CHN2: variants seen among roughly 807,000 people sequenced by gnomAD.
The protein encoded by CHN2 is chimerin 2, also known as beta-chimaerin.
Under a neutral mutation model 56.3 loss-of-function variants are expected in CHN2, and 35 were observed. The observed-to-expected ratio is 0.62, with a 90% CI of 0.47 to 0.82. CHN2 has a LOEUF of 0.82. Ranked by LOEUF, CHN2 falls within the 40% of genes least tolerant of loss-of-function variation. CHN2 has a pLI of 0.00. For missense variants in CHN2, 491 were observed against 580.5 expected (o/e 0.85, Z 1.58); for synonymous variants, 210 against 212.8 (o/e 0.99, Z 0.12).
rs55722880 is a variant in CHN2 at position 29,273,343 on chromosome 7, GTATATATATATA to G, written c.49+78388_49+78399del. On this transcript the variant is annotated intron_variant, in intron 1 of 12. Coordinates refer to ENST00000222792, the MANE Select transcript of CHN2 (RefSeq NM_004067.4). ...CCATCATGCATATATATATATATGTGTATATATATATATATATATATATATATATATATATAT... is the reference window on the plus strand; with the variant it reads ...CCATCATGCATATATATATATATGTGTATATATATATATATATATATATAT... Among the ~76,000 whole-genome samples, 580 of 58,192 alleles carry G rather than the reference GTATATATATATA, an allele frequency of 1.0e-2. 17 individuals carry two copies. The highest frequency in any genetic ancestry group is 0.014 in the Admixed American group (72 of 5,104). 38.2% of individuals were successfully genotyped at this position (58,192 alleles called of 152,430 possible).
chr7:29,301,457 C>G (rs942134207), intron 1 of CHN2, among the ~76,000 whole-genome samples: 4 of 151,936 alleles, frequency 2.6e-5, no homozygotes, highest in African/African-American at 4.8e-5. Flanking sequence ...AAGAGGATCC[C>G]AGATGCTCCT....
intron 1 of CHN2, among the ~76,000 whole-genome samples, chr7:29,308,058 C>G (rs1430082308): frequency 6.6e-6 from 1 of 152,164 alleles, no homozygotes; most frequent in Admixed American, 6.5e-5. Flanking sequence ...TACTGGGTAT[C>G]TCGGCATACA....
chr7:29,370,407 A>C (rs1234547651), intron 3 of CHN2, among the ~76,000 whole-genome samples: 1 of 152,188 alleles, frequency 6.6e-6, no homozygotes, highest in Non-Finnish European at 1.5e-5. Flanking sequence ...ATTTACATAA[A>C]GCAGTAAAGG....
intron 3 of CHN2, 69 bp downstream of exon 3, chr7:29,368,056 G>C: frequency 7.5e-7 from 1 of 1,333,614 alleles, no homozygotes; most frequent in Non-Finnish European, 1.0e-6. Context: ...GTAGAGAGTG[G>C]AGGGATTTCA....
intron 3 of CHN2, among the ~76,000 whole-genome samples, chr7:29,392,706 A>C (rs1189358206): frequency 6.6e-6 from 1 of 152,188 alleles, no homozygotes; most frequent in Admixed American, 6.5e-5. Flanking sequence ...TAGGCCAGGA[A>C]ACTGCCCCAT....
At chr7:29,369,670 A>G (rs927142230) in intron 3 of CHN2, among the ~76,000 whole-genome samples, 15 of 152,210 alleles carry the variant, frequency 9.9e-5, no homozygotes, top group African/African-American at 3.6e-4. Context: ...CCCTTAAGGC[A>G]GGTGGAGTGT....
chr7:29,309,172 CT>C (rs144525276), intron 1 of CHN2, among the ~76,000 whole-genome samples: 3 of 151,380 alleles, frequency 2.0e-5, no homozygotes, highest in Non-Finnish European at 4.4e-5. Flanking sequence ...CAGCCAAAAG[CT>C]TTTTTTTTGT....
At chr7:29,163,506 A>C (rs115141944) in intron 2 of CHN2, among the ~76,000 whole-genome samples, 1,731 of 152,304 alleles carry the variant, frequency 0.011, 40 homozygotes, top group African/African-American at 0.04. Context: ...GTTAATGGGC[A>C]TATGCATATG....
At chr7:29,211,133 C>T (rs1035623235) in intron 1 of CHN2, among the ~76,000 whole-genome samples, 11 of 151,742 alleles carry the variant, frequency 7.2e-5, no homozygotes, top group South Asian at 2.1e-4. Flanking sequence ...TGCAGTGGCG[C>T]GATCTCGGCT....
In CHN2 at chr7:29,297,815, A is replaced by G. The variant is rs543697308; in HGVS notation, c.50-56810A>G. The stretch of plus-strand genomic sequence containing the variant: ...GAATGACCCATTAAACAGAGACACG[A>G]TTACCTATCTGTGAAAAGAGGACAG... On this transcript the variant is annotated intron_variant, in intron 1 of 12. Transcript: ENST00000222792. Among the ~76,000 whole-genome samples, 1,243 of 152,268 alleles carry G rather than the reference A, an allele frequency of 8.2e-3. 13 individuals carry two copies. The highest frequency in any genetic ancestry group is 0.013 in the Non-Finnish European group (891 of 68,008).
intron 6 of CHN2, among the ~76,000 whole-genome samples, chr7:29,404,622 G>A (rs1802482821): frequency 6.6e-6 from 1 of 152,160 alleles, no homozygotes; most frequent in African/African-American, 2.4e-5. Context: ...ATGGGCACTT[G>A]GAATCGTTAT....
intron 1 of CHN2, among the ~76,000 whole-genome samples, chr7:29,319,380 AGTT>A (rs1489067474): frequency 6.6e-6 from 1 of 152,104 alleles, no homozygotes; most frequent in Non-Finnish European, 1.5e-5. Context: ...AGGAGAAAAA[AGTT>A]GTGGGTGCAA....
intron 6 of CHN2, among the ~76,000 whole-genome samples, chr7:29,434,080 T>G (rs1207272747): frequency 1.3e-5 from 2 of 152,160 alleles, no homozygotes; most frequent in Non-Finnish European, 2.9e-5. Context: ...ACTCTTTTCC[T>G]TGGTAAAATG....
chr7:29,481,809 G>T (rs553771769), intron 7 of CHN2, among the ~76,000 whole-genome samples: 1 of 151,718 alleles, frequency 6.6e-6, no homozygotes, highest in Non-Finnish European at 1.5e-5. Context: ...GGATCTTCAT[G>T]GACTTGTAAA....
intron 6 of CHN2, among the ~76,000 whole-genome samples, chr7:29,416,047 G>A (rs939766552): frequency 3.3e-5 from 5 of 152,172 alleles, no homozygotes; most frequent in East Asian, 1.9e-4. Flanking sequence ...GGATAAATGC[G>A]GCCCCACAGA....
At chr7:29,148,096 G>A (rs537135302) in intron 2 of CHN2, among the ~76,000 whole-genome samples, 106 of 152,286 alleles carry the variant, frequency 7.0e-4, no homozygotes, top group South Asian at 2.7e-3. Flanking sequence ...AGCAATGTTC[G>A]CCCATGGGAG....
chr7:29,506,482 C>A, intron 10 of CHN2, among the ~76,000 whole-genome samples: 1 of 151,686 alleles, frequency 6.6e-6, no homozygotes, highest in East Asian at 1.9e-4. Flanking sequence ...ACTAAAAATA[C>A]AAAAATTAGC....
intron 3 of CHN2, among the ~76,000 whole-genome samples, chr7:29,379,332 A>T (rs1044905257): frequency 2.0e-5 from 3 of 152,166 alleles, no homozygotes; most frequent in African/African-American, 7.2e-5. Context: ...GGTGCGTGGG[A>T]TCTGTTTATT....
At chr7:29,329,568 G>A (rs1337540502) in intron 1 of CHN2, among the ~76,000 whole-genome samples, 1 of 152,040 alleles carries the variant, frequency 6.6e-6, no homozygotes, top group Non-Finnish European at 1.5e-5. Flanking sequence ...ATAGAAAAGT[G>A]GTGAGGAAAG....
Sources: allele counts gnomAD v4.1 joint callset (sites outside exome capture counted in the v4.1 genomes callset), GRCh38; gene constraint gnomAD v4.1.1; transcripts MANE v1.5; gene names NCBI Gene and HGNC (gene_info 2026-07-23, HGNC 2026-07-21).